Variants in THSD4 observed in about 807,000 individuals in gnomAD.
THSD4 encodes the protein thrombospondin type-1 domain-containing protein 4.
Under a neutral mutation model 119.0 loss-of-function variants are expected in THSD4, and 69 were observed. That is an observed-to-expected ratio of 0.58 (90% CI 0.48 to 0.71). The LOEUF (loss-of-function observed/expected upper bound fraction) is 0.71. Ranked by LOEUF, THSD4 falls within the 30% of genes least tolerant of loss-of-function variation. The pLI is 0.00. For synonymous variants in THSD4, 524 were observed against 540.4 expected (o/e 0.97, Z 0.42); for missense variants, 1,393 against 1,391.1 (o/e 1.00, Z -0.02).
intron 8 of THSD4, among the ~76,000 whole-genome samples, chr15:71,667,498 G>C (rs570843336): frequency 6.6e-6 from 1 of 152,262 alleles, no homozygotes. Flanking sequence ...TTTAGACTTG[G>C]AAGGAATTTT....
chr15:71,393,732 G>A (rs1231094641), intron 6 of THSD4, among the ~76,000 whole-genome samples: 1 of 152,124 alleles, frequency 6.6e-6, no homozygotes, highest in Non-Finnish European at 1.5e-5. Flanking sequence ...AGTGTGCTTA[G>A]CACTGTCCTA....
At chr15:71,225,972 G>A (rs902863233) in intron 4 of THSD4, among the ~76,000 whole-genome samples, 8 of 151,922 alleles carry the variant, frequency 5.3e-5, no homozygotes, top group African/African-American at 1.9e-4. Context: ...TTGTTCACAC[G>A]TCTGTCCTCC....
intron 7 of THSD4, among the ~76,000 whole-genome samples, chr15:71,588,753 G>T (rs534792533): frequency 5.9e-5 from 9 of 152,272 alleles, no homozygotes; most frequent in Non-Finnish European, 1.2e-4. Flanking sequence ...TTTAAATGAG[G>T]CTTATGTTCA....
intron 1 of THSD4, among the ~76,000 whole-genome samples, chr15:71,100,616 A>G (rs553710719): frequency 1.5e-4 from 23 of 152,312 alleles, no homozygotes; most frequent in Admixed American, 4.6e-4. Context: ...TAAGTTTGTG[A>G]TAATTTGTTA....
At chr15:71,335,509 T>C (rs67883322) in intron 6 of THSD4, among the ~76,000 whole-genome samples, 14,591 of 152,090 alleles carry the variant, frequency 0.096, 987 homozygotes, top group African/African-American at 0.2. Context: ...GGACCCCTTT[T>C]TGAGGAGAAT....
At chr15:71,603,000 T>C (rs899854864) in intron 7 of THSD4, among the ~76,000 whole-genome samples, 3 of 152,262 alleles carry the variant, frequency 2.0e-5, no homozygotes, top group Admixed American at 2.0e-4. Flanking sequence ...TTTCTGGCTC[T>C]AAAGCTTGTG....
At chr15:71,486,611 G>GTTTTTTTTTTT (rs200120589) in intron 7 of THSD4, among the ~76,000 whole-genome samples, 22 of 131,706 alleles carry the variant, frequency 1.7e-4, no homozygotes, top group African/African-American at 3.5e-4. Context: ...TTTCTTTTCT[G>GTTTTTTTTTTT]TTTTTTTTTT....
At chr15:71,671,911 G>A (rs2051539043) in intron 8 of THSD4, among the ~76,000 whole-genome samples, 2 of 152,210 alleles carry the variant, frequency 1.3e-5, no homozygotes, top group Admixed American at 1.3e-4. Flanking sequence ...TTTGAAGTCA[G>A]GTGGCTTGAT....
rs1244777257 is a variant in THSD4, at chr15:71,417,576, A to G, written c.1152+5753A>G. Among the ~76,000 whole-genome samples the G allele has an allele frequency of 3.7e-5, 4 of 106,906 alleles. 1 individual carries two copies. The Admixed American group carries it at 4.9e-4, about 13-fold the overall frequency. The allele number at this position is 106,906 out of a possible 152,430, so 70.1% of individuals were successfully genotyped here. A position where few individuals can be genotyped will look rare whatever the true frequency, so the allele number is the denominator to read the frequency against. ...GTGTGGATTTATTTCTAGGTTCTCT[A>G]TTCTGTTCCATTGGTCTATATGTCT... On this transcript the variant is annotated intron_variant, in intron 7 of 17. Coordinates refer to ENST00000261862, the MANE Select transcript of THSD4 (RefSeq NM_024817.3).
intron 7 of THSD4, among the ~76,000 whole-genome samples, chr15:71,458,574 C>T (rs759524274): frequency 2.2e-4 from 33 of 152,158 alleles, no homozygotes; most frequent in Non-Finnish European, 4.3e-4. Flanking sequence ...TGTTTCCTCG[C>T]AAGTAAAAAT....
At chr15:71,242,098 C>A (rs1373905436) in intron 4 of THSD4, among the ~76,000 whole-genome samples, 1 of 152,062 alleles carries the variant, frequency 6.6e-6, no homozygotes. Flanking sequence ...GCAAGTGAGG[C>A]CTTGGGACTG....
chr15:71,376,808 G>A lies in THSD4; in HGVS notation c.1016-34879G>A, dbSNP rs147772465. Among the ~76,000 whole-genome samples the A allele has an allele frequency of 3.3e-5, 5 of 152,320 alleles. No homozygotes were observed. The East Asian group carries it at 5.8e-4, about 18-fold the overall frequency. ...TCTGGCTGGGTTAAGAACTCATGCC[G>A]AGACATATTGGATTGAAACATCAGC... On this transcript the variant is annotated intron_variant, in intron 6 of 17. Coordinates refer to ENST00000261862, the MANE Select transcript of THSD4 (RefSeq NM_024817.3).
intron 1 of THSD4, among the ~76,000 whole-genome samples, chr15:71,109,329 G>T (rs1231740859): frequency 8.5e-5 from 13 of 152,168 alleles, no homozygotes; most frequent in Admixed American, 7.9e-4. Context: ...GCATTACAGG[G>T]AATAAAAGAA....
intron 4 of THSD4, among the ~76,000 whole-genome samples, chr15:71,232,492 G>A (rs888130162): frequency 3.3e-5 from 5 of 152,154 alleles, no homozygotes; most frequent in Non-Finnish European, 7.3e-5. Context: ...TGGTAAAGGG[G>A]TGTGCAGACT....
At chr15:71,661,992 C>T (rs187496089) in intron 8 of THSD4, among the ~76,000 whole-genome samples, 149 of 152,252 alleles carry the variant, frequency 9.8e-4, no homozygotes, top group African/African-American at 3.5e-3. Flanking sequence ...CATACCATAA[C>T]GAGGTGGAGC....
intron 7 of THSD4, among the ~76,000 whole-genome samples, chr15:71,442,662 A>ATGTAGGTATG (rs1293956011): frequency 2.8e-5 from 1 of 36,054 alleles, no homozygotes; most frequent in Non-Finnish European, 6.0e-5. Flanking sequence ...GTGTGTGTGT[A>ATGTAGGTATG]TATATATATA....
chr15:71,129,983 C>T (rs1265019528), intron 1 of THSD4, among the ~76,000 whole-genome samples: 3 of 152,136 alleles, frequency 2.0e-5, no homozygotes, highest in Admixed American at 6.5e-5. Flanking sequence ...TGGTCAAATG[C>T]GTGGAGGCAC....
At chr15:71,342,188 C>T (rs2045588781) in intron 6 of THSD4, 1 of 184,070 alleles carries the variant, frequency 5.4e-6, no homozygotes, top group Non-Finnish European at 1.1e-5. Flanking sequence ...TCTACTAAAT[C>T]CCATTTATTT....
intron 8 of THSD4, among the ~76,000 whole-genome samples, chr15:71,709,106 G>A (rs939490233): frequency 6.6e-6 from 1 of 152,178 alleles, no homozygotes; most frequent in East Asian, 1.9e-4. Flanking sequence ...TTGGGGGCAC[G>A]CCTATTCTTT....
Sources: allele counts gnomAD v4.1 joint callset (sites outside exome capture counted in the v4.1 genomes callset), GRCh38; gene constraint gnomAD v4.1.1; transcripts MANE v1.5; gene names NCBI Gene and HGNC (gene_info 2026-07-23, HGNC 2026-07-21).